The following TMEFF2 variants were observed in gnomAD, a reference collection of about 807,000 sequenced individuals.
TMEFF2 encodes the protein transmembrane protein with EGF like and two follistatin like domains 2, also known as tomoregulin-2.
TMEFF2 carries 28 observed loss-of-function variants against 53.8 expected under a neutral mutation model. The ratio of observed to expected loss-of-function variants is 0.52; its 90% CI spans 0.39 to 0.71. TMEFF2 has a LOEUF of 0.71. Among genes scored for constraint, TMEFF2 ranks in the 30% least tolerant of loss-of-function variants. The probability of loss-of-function intolerance (pLI) is 0.00; values close to 1 mark genes in which losing one functional copy is unlikely to be tolerated. For missense variants in TMEFF2, 353 were observed against 455.2 expected, an observed-to-expected ratio of 0.78 and a Z score of 2.04; for synonymous variants, 162 against 166.3, an observed-to-expected ratio of 0.97 and a Z score of 0.20.
At chr2:192,104,473 T>A (rs939746066) in intron 4 of TMEFF2, among the ~76,000 whole-genome samples, 1 of 152,146 alleles carries the variant, frequency 6.6e-6, no homozygotes, top group African/African-American at 2.4e-5. Flanking sequence ...CATTGTATAC[T>A]CCAGCTTAGT....
intron 5 of TMEFF2, among the ~76,000 whole-genome samples, chr2:192,051,696 C>G (rs1687777897): frequency 6.6e-6 from 1 of 152,148 alleles, no homozygotes; most frequent in South Asian, 2.1e-4. Flanking sequence ...TATTCATGAG[C>G]CTCCACAATC....
At chr2:192,081,896 G>A (rs1688563361) in intron 4 of TMEFF2, among the ~76,000 whole-genome samples, 2 of 150,894 alleles carry the variant, frequency 1.3e-5, no homozygotes, top group South Asian at 2.1e-4. Flanking sequence ...CACCTCCCGG[G>A]TTCATGCCAT....
intron 4 of TMEFF2, among the ~76,000 whole-genome samples, chr2:192,094,200 C>T (rs1181084382): frequency 6.6e-6 from 1 of 152,112 alleles, no homozygotes; most frequent in Non-Finnish European, 1.5e-5. Context: ...GTTTTTGAGT[C>T]TGTCAGCTTA....
At chr2:192,062,108 A>G (rs137914450) in intron 4 of TMEFF2, among the ~76,000 whole-genome samples, 48 of 152,072 alleles carry the variant, frequency 3.2e-4, no homozygotes, top group African/African-American at 1.2e-3. Flanking sequence ...AGACACATAG[A>G]ACAACTCTAT....
intron 4 of TMEFF2, among the ~76,000 whole-genome samples, chr2:192,161,120 G>A (rs147100223): frequency 0.016 from 2,374 of 151,810 alleles, 56 homozygotes; most frequent in African/African-American, 0.054. Flanking sequence ...GCCCCCTCCC[G>A]TTTGCATACC....
intron 4 of TMEFF2, among the ~76,000 whole-genome samples, chr2:192,129,081 G>GC (rs1320295723): frequency 1.3e-5 from 2 of 152,126 alleles, no homozygotes; most frequent in African/African-American, 2.4e-5. Context: ...CTGGCCTGGG[G>GC]CCCCTAAATT....
chr2:192,019,495 ATAAC>A (rs142382698), intron 5 of TMEFF2, among the ~76,000 whole-genome samples: 1,801 of 152,220 alleles, frequency 0.012, 28 homozygotes, highest in African/African-American at 0.042. Context: ...GAAGGAAAAG[ATAAC>A]TCTACTATAA....
In TMEFF2 at chr2:191,950,236, T is replaced by TCGCCG; in HGVS notation, c.*74_*75insCGGCG. The TCGCCG allele has an allele frequency of 6.5e-7, 1 of 1,541,912 alleles. No individual in the cohort carries two copies. Among genetic ancestry groups the TCGCCG allele is most frequent in the East Asian group, 2.3e-5 (1 of 43,142 alleles). On this transcript the variant is annotated 3_prime_UTR_variant, in exon 10 of 10. Coordinates refer to ENST00000272771, the MANE Select transcript of TMEFF2 (RefSeq NM_016192.4). ...AGGCAACATGTGTAGATCTCTTGTC[T>TCGCCG]TATTCTTTTGTCTATAATACTGTAT...
At chr2:191,972,034 G>A (rs1020415907) in intron 7 of TMEFF2, among the ~76,000 whole-genome samples, 2 of 152,134 alleles carry the variant, frequency 1.3e-5, no homozygotes, top group African/African-American at 2.4e-5. Context: ...CAGCCTTGTG[G>A]CTAGAATGGA....
chr2:192,003,526 C>T (rs1686417890), intron 5 of TMEFF2, among the ~76,000 whole-genome samples: 1 of 152,148 alleles, frequency 6.6e-6, no homozygotes, highest in African/African-American at 2.4e-5. Context: ...CTCAAACAAG[C>T]AATCCAGACT....
chr2:192,086,769 T>G (rs942979266), intron 4 of TMEFF2, among the ~76,000 whole-genome samples: 3 of 152,142 alleles, frequency 2.0e-5, no homozygotes, highest in Admixed American at 6.6e-5. Context: ...GTTTTTGGCC[T>G]ACATGCAACC....
At chr2:191,975,989 C>G (rs1467979423) in intron 7 of TMEFF2, among the ~76,000 whole-genome samples, 1 of 152,120 alleles carries the variant, frequency 6.6e-6, no homozygotes, top group Non-Finnish European at 1.5e-5. Context: ...AAATATTTCT[C>G]AGTGTTTTCT....
intron 4 of TMEFF2, among the ~76,000 whole-genome samples, chr2:192,176,154 T>C (rs1357555599): frequency 6.6e-6 from 1 of 151,342 alleles, no homozygotes; most frequent in East Asian, 1.9e-4. Flanking sequence ...TATAAGTACC[T>C]GAAACACCAA....
chr2:192,073,369 C>A (rs1226129279), intron 4 of TMEFF2, among the ~76,000 whole-genome samples: 2 of 151,734 alleles, frequency 1.3e-5, no homozygotes, highest in Non-Finnish European at 2.9e-5. Context: ...ACTTGTGAAA[C>A]CTGCTTTTAA....
At chr2:192,175,186 CAACCA>C (rs1268710519) in intron 4 of TMEFF2, among the ~76,000 whole-genome samples, 1 of 151,568 alleles carries the variant, frequency 6.6e-6, no homozygotes. Context: ...TCCTTCAAGT[CAACCA>C]AATTACTAAA....
chr2:192,093,343 T>C (rs912085920), intron 4 of TMEFF2, among the ~76,000 whole-genome samples: 9 of 152,160 alleles, frequency 5.9e-5, no homozygotes, highest in African/African-American at 2.2e-4. Context: ...TTTAATAACT[T>C]TTTTCAAGAA....
intron 8 of TMEFF2, among the ~76,000 whole-genome samples, chr2:191,955,280 T>C (rs1692039411): frequency 6.6e-6 from 1 of 151,790 alleles, no homozygotes; most frequent in East Asian, 1.9e-4. Context: ...TAAATTATGT[T>C]TTCATTTTGG....
At position 191,953,680 on chromosome 2, in the gene TMEFF2, T is replaced by G; in HGVS notation, c.1027A>C (p.Arg343=). Residue 343 remains arginine, a splice_region_variant and synonymous_variant, in exon 9 of 10, where the codon AGG becomes CGG. Coordinates refer to ENST00000272771, the MANE Select transcript of TMEFF2 (RefSeq NM_016192.4). ...VICVVVLCIT[R]KCPRSNRIHR... ...TAGCCACCAAGTGCTGTTACTGACCTTGTGATGCAGAGGACCACCACACAG... is the reference window on the plus strand; with the variant it reads ...TAGCCACCAAGTGCTGTTACTGACCGTGTGATGCAGAGGACCACCACACAG... The G allele has an allele frequency of 6.2e-7, 1 of 1,613,380 alleles. No homozygotes were observed.
intron 4 of TMEFF2, among the ~76,000 whole-genome samples, chr2:192,086,418 A>C (rs1688670815): frequency 6.6e-6 from 1 of 152,134 alleles, no homozygotes; most frequent in Admixed American, 6.6e-5. Flanking sequence ...GTTTATGTAG[A>C]TGTCTACCAA....
Sources: allele counts gnomAD v4.1 joint callset (sites outside exome capture counted in the v4.1 genomes callset), GRCh38; gene constraint gnomAD v4.1.1; transcripts MANE v1.5; gene names NCBI Gene and HGNC (gene_info 2026-07-23, HGNC 2026-07-21).